Variants in TTC17 observed in about 807,000 individuals in gnomAD.
The protein encoded by TTC17 is tetratricopeptide repeat protein 17.
TTC17 carries 58 observed loss-of-function variants against 143.8 expected under a neutral mutation model. That is an observed-to-expected ratio of 0.40 (90% CI 0.33 to 0.50). The LOEUF (loss-of-function observed/expected upper bound fraction) is 0.50. Among genes scored for constraint, TTC17 ranks in the 20% least tolerant of loss-of-function variants. TTC17 has a pLI of 0.49. For missense variants in TTC17, 1,273 were observed against 1,392.5 expected, an observed-to-expected ratio of 0.91 and a Z score of 1.37; for synonymous variants, 501 against 497.8, an observed-to-expected ratio of 1.01 and a Z score of -0.09.
intron 21 of TTC17, among the ~76,000 whole-genome samples, chr11:43,479,476 A>T (rs2134858353): frequency 6.6e-6 from 1 of 152,314 alleles, no homozygotes; most frequent in African/African-American, 2.4e-5. Context: ...TTTGTAAAAA[A>T]TTTACCTGAA....
chr11:43,434,172 CA>C (rs1947227284), intron 16 of TTC17, among the ~76,000 whole-genome samples: 1 of 792 alleles, frequency 1.3e-3, no homozygotes, highest in African/African-American at 2.4e-3. Context: ...GGCGGGGACA[CA>C]CACACACACA....
chr11:43,492,447 T>C (rs887386933), intron 23 of TTC17, among the ~76,000 whole-genome samples: 5 of 152,204 alleles, frequency 3.3e-5, no homozygotes, highest in Non-Finnish European at 7.3e-5. Flanking sequence ...ACACCACCTG[T>C]TCCAGAAAAC....
At chr11:43,367,883 C>T (rs542558848) in intron 1 of TTC17, among the ~76,000 whole-genome samples, 176 of 152,284 alleles carry the variant, frequency 1.2e-3, no homozygotes, top group Admixed American at 3.4e-3. Flanking sequence ...ATGCTCAGTT[C>T]TCACTAATCT....
At chr11:43,382,390 GCTCT>G (rs968286852) in intron 2 of TTC17, among the ~76,000 whole-genome samples, 5 of 152,050 alleles carry the variant, frequency 3.3e-5, no homozygotes, top group African/African-American at 4.8e-5. Context: ...TACTTATTGG[GCTCT>G]CTAAGGTCAA....
At chr11:43,476,673 G>T (rs1418997217) in intron 21 of TTC17, among the ~76,000 whole-genome samples, 3 of 152,212 alleles carry the variant, frequency 2.0e-5, no homozygotes, top group Admixed American at 1.3e-4. Context: ...GAGCAGCTGG[G>T]ACGGAAGGCA....
At chr11:43,479,406 G>A (rs1383154105) in intron 21 of TTC17, among the ~76,000 whole-genome samples, 1 of 152,106 alleles carries the variant, frequency 6.6e-6, no homozygotes, top group African/African-American at 2.4e-5. Flanking sequence ...AATTGTGTAA[G>A]TCAGATATTC....
intron 18 of TTC17, among the ~76,000 whole-genome samples, chr11:43,446,886 G>C (rs1252905540): frequency 6.6e-6 from 1 of 152,158 alleles, no homozygotes; most frequent in African/African-American, 2.4e-5. Flanking sequence ...TTTTTTTGTA[G>C]CTTTAAATAG....
intron 15 of TTC17, among the ~76,000 whole-genome samples, chr11:43,410,840 C>T (rs1048575437): frequency 3.9e-5 from 6 of 152,220 alleles, no homozygotes; most frequent in African/African-American, 1.4e-4. Flanking sequence ...TTCCTTCATA[C>T]CTTTCTCCTG....
chr11:43,416,785 AACTC>A (rs1326894243), intron 16 of TTC17, among the ~76,000 whole-genome samples: 1 of 152,150 alleles, frequency 6.6e-6, no homozygotes, highest in Non-Finnish European at 1.5e-5. Context: ...TGTCTGCTCA[AACTC>A]ACTAAGGCCA....
At chr11:43,457,849 T>G (rs1354041570) in intron 21 of TTC17, among the ~76,000 whole-genome samples, 2 of 151,782 alleles carry the variant, frequency 1.3e-5, no homozygotes, top group African/African-American at 2.4e-5. Context: ...TACATATAAT[T>G]AGGGTCTGGG....
rs1367076831 is a variant in TTC17, at chr11:43,473,691, A to G, written c.3031-16548A>G. Among the ~76,000 whole-genome samples, 5 of 152,146 alleles carry G rather than the reference A, an allele frequency of 3.3e-5. No individual in the cohort carries two copies. In the South Asian group the frequency reaches 6.2e-4, roughly 19 times the overall value. ...GGAGTTCTAAACCAGCCTGGCTAAC[A>G]TGGTGAAACCCCATCTTCATTAAAA... On this transcript the variant is annotated intron_variant, in intron 21 of 23. Coordinates refer to ENST00000039989, the MANE Select transcript of TTC17 (RefSeq NM_018259.6).
intron 1 of TTC17, among the ~76,000 whole-genome samples, chr11:43,371,026 G>T (rs894322954): frequency 7.2e-5 from 6 of 83,316 alleles, no homozygotes; most frequent in Admixed American, 1.7e-4. Context: ...GGGGAGGTGG[G>T]GGGGGGGGTC....
intron 19 of TTC17, chr11:43,449,776 C>T (rs1227899602): frequency 1.2e-5 from 3 of 259,176 alleles, no homozygotes; most frequent in African/African-American, 4.5e-5. Context: ...ATACAATGTA[C>T]GGCTGTATCT....
intron 21 of TTC17, among the ~76,000 whole-genome samples, chr11:43,478,270 G>A (rs1395160815): frequency 6.6e-6 from 1 of 152,190 alleles, no homozygotes; most frequent in Non-Finnish European, 1.5e-5. Context: ...CAATTAAAAT[G>A]TATGGCGCTC....
At chr11:43,415,529 G>T (rs968846345) in intron 16 of TTC17, among the ~76,000 whole-genome samples, 1 of 152,038 alleles carries the variant, frequency 6.6e-6, no homozygotes, top group Non-Finnish European at 1.5e-5. Context: ...GTGCACAGTG[G>T]GTGCTTTATT....
chr11:43,395,099 C>CTTTTT (rs34977501), intron 5 of TTC17, among the ~76,000 whole-genome samples: 4 of 137,452 alleles, frequency 2.9e-5, no homozygotes, highest in African/African-American at 5.3e-5. Flanking sequence ...TCATGTAGAA[C>CTTTTT]TTTTTTTTTT....
In TTC17 at chr11:43,492,049, C is replaced by A. The variant is rs1445570255; in HGVS notation, c.3180C>A (p.Ile1060=). Residue 1060 remains isoleucine (I), a synonymous_variant, in exon 23 of 24, where the codon ATC becomes ATA. Transcript: ENST00000039989. ...TGCCCCTGATTAGCCTGGCCAACATCTTGCACAATGCCAAGCTCTGGAATG... is the reference window on the plus strand; with the variant it reads ...TGCCCCTGATTAGCCTGGCCAACATATTGCACAATGCCAAGCTCTGGAATG... The part of the protein sequence containing the change: ...KDVPLISLAN[I]LHNAKLWNDA... The A allele has an allele frequency of 1.9e-6, 3 of 1,614,000 alleles. No individual in the cohort carries two copies. The highest frequency in any genetic ancestry group is 2.5e-6 in the Non-Finnish European group (3 of 1,179,992).
chr11:43,407,109 T>C, intron 13 of TTC17, 29 bp from the exon 14 acceptor site: 1 of 1,466,058 alleles, frequency 6.8e-7, no homozygotes, highest in Non-Finnish European at 9.3e-7. Context: ...TTATTTTCAA[T>C]TGAGTCAGTC....
At chr11:43,446,976 T>C (rs1947556178) in intron 18 of TTC17, among the ~76,000 whole-genome samples, 2 of 152,166 alleles carry the variant, frequency 1.3e-5, no homozygotes, top group Non-Finnish European at 2.9e-5. Flanking sequence ...CCTGGACAAG[T>C]CACTTAGTCT....
Sources: allele counts gnomAD v4.1 joint callset (sites outside exome capture counted in the v4.1 genomes callset), GRCh38; gene constraint gnomAD v4.1.1; transcripts MANE v1.5; gene names NCBI Gene and HGNC (gene_info 2026-07-23, HGNC 2026-07-21).